Variants in USH2A observed in about 807,000 individuals in gnomAD.
USH2A encodes usherin.
In USH2A, 443 loss-of-function variants were observed where a neutral mutation model predicts 538.9. That is an observed-to-expected ratio of 0.82 (90% confidence interval 0.76 to 0.89). USH2A has a LOEUF of 0.89. USH2A is among the 40% of genes least tolerant of loss of function. USH2A has a pLI of 0.00. For missense variants in USH2A, 6,633 were observed against 6,324.8 expected (o/e 1.05, Z -1.65); for synonymous variants, 2,413 against 2,273.5 (o/e 1.06, Z -1.75).
At chr1:216,228,672 G>C (rs150274752) in intron 14 of USH2A, among the ~76,000 whole-genome samples, 1 of 152,086 alleles carries the variant, frequency 6.6e-6, no homozygotes, top group South Asian at 2.1e-4. Context: ...TGTAAGTCCC[G>C]TAAACTTCTT....
At chr1:216,403,408 C>T (rs1185371043) in intron 3 of USH2A, among the ~76,000 whole-genome samples, 2 of 152,034 alleles carry the variant, frequency 1.3e-5, no homozygotes, top group Non-Finnish European at 2.9e-5. Context: ...TCTTATTCAA[C>T]ATACTACTAA....
chr1:216,234,362 A>T (rs1030598411), intron 13 of USH2A, among the ~76,000 whole-genome samples: 5 of 152,120 alleles, frequency 3.3e-5, no homozygotes, highest in African/African-American at 9.7e-5. Flanking sequence ...TAATACTATC[A>T]TTTTTATCAT....
intron 61 of USH2A, among the ~76,000 whole-genome samples, chr1:215,696,071 C>CGG (rs1658799363): frequency 6.6e-6 from 1 of 152,114 alleles, no homozygotes; most frequent in South Asian, 2.1e-4. Flanking sequence ...TTGACTCCCC[C>CGG]GGAACTTAAC....
At chr1:216,103,458 T>C (rs748855115) in intron 21 of USH2A, among the ~76,000 whole-genome samples, 26 of 152,318 alleles carry the variant, frequency 1.7e-4, no homozygotes, top group Non-Finnish European at 3.1e-4. Flanking sequence ...TTCAAAATGA[T>C]TGGAAATTGT....
intron 40 of USH2A, among the ~76,000 whole-genome samples, chr1:215,893,813 T>C (rs1234451144): frequency 2.6e-5 from 4 of 152,168 alleles, no homozygotes; most frequent in Non-Finnish European, 5.9e-5. Context: ...TTTTGATTAA[T>C]CAATCCATCC....
chr1:215,905,672 CTATCAG>C (rs1558154307), intron 38 of USH2A, among the ~76,000 whole-genome samples: 1 of 152,032 alleles, frequency 6.6e-6, no homozygotes, highest in Non-Finnish European at 1.5e-5. Flanking sequence ...CCTGGGGGTA[CTATCAG>C]TTGTTCATCC....
intron 67 of USH2A, among the ~76,000 whole-genome samples, chr1:215,642,848 T>C (rs1476795149): frequency 1.3e-5 from 2 of 152,146 alleles, no homozygotes; most frequent in Non-Finnish European, 2.9e-5. Context: ...GCAGGCCAGC[T>C]GTTAAACATT....
chr1:215,932,706 T>C (rs189792697), intron 38 of USH2A, among the ~76,000 whole-genome samples: 14 of 152,168 alleles, frequency 9.2e-5, no homozygotes, highest in Non-Finnish European at 1.6e-4. Flanking sequence ...GATTTCTGAA[T>C]ACATAAAGTG....
intron 38 of USH2A, among the ~76,000 whole-genome samples, chr1:215,928,782 T>C (rs563792168): frequency 1.2e-4 from 18 of 152,228 alleles, no homozygotes; most frequent in Admixed American, 2.6e-4. Context: ...ATGGTTGTTT[T>C]AAGTTGCTGA....
At chr1:215,743,822 A>G (rs74455808) in intron 58 of USH2A, among the ~76,000 whole-genome samples, 1 of 144,514 alleles carries the variant, frequency 6.9e-6, no homozygotes, top group Non-Finnish European at 1.5e-5. Context: ...TCCGCCTCCA[A>G]AAAAAAAAAA....
At chr1:215,685,855 T>C (rs1658408922) in intron 61 of USH2A, among the ~76,000 whole-genome samples, 1 of 152,076 alleles carries the variant, frequency 6.6e-6, no homozygotes, top group East Asian at 1.9e-4. Flanking sequence ...TAAATGTATC[T>C]CAGCTGGTGA....
chr1:215,826,247 G>A (rs1663150667), intron 47 of USH2A, among the ~76,000 whole-genome samples: 1 of 152,160 alleles, frequency 6.6e-6, no homozygotes, highest in African/African-American at 2.4e-5. Flanking sequence ...CCAGCAGGAA[G>A]AGTCTTTGGA....
At chr1:216,138,922 G>C (rs1053946338) in intron 21 of USH2A, among the ~76,000 whole-genome samples, 1 of 148,878 alleles carries the variant, frequency 6.7e-6, no homozygotes, top group African/African-American at 2.5e-5. Context: ...ATATTAATGT[G>C]TGTGTGTGTG....
At position 215,648,728 on chromosome 1, in the gene USH2A, G is replaced by A; in HGVS notation, c.14382C>T (p.Gly4794=). ...EGMATQQTLH[G]LQAFTNYSIG... ...TAGAGTAGTTAGTGAAGGCTTGAAG[G>A]CCATGGAGAGTCTGCTGGGTGGCCA... The change falls in exon 66 of 72, where the codon GGC becomes GGT. Residue 4794 remains glycine, a synonymous_variant. Transcript: ENST00000307340. 2 of 1,614,190 alleles carry A rather than the reference G, an allele frequency of 1.2e-6. No individual in the cohort carries two copies. The highest frequency in any genetic ancestry group is 1.1e-5 in the South Asian group (1 of 91,086).
intron 21 of USH2A, among the ~76,000 whole-genome samples, chr1:216,101,368 C>G (rs931231148): frequency 6.6e-6 from 1 of 152,204 alleles, no homozygotes; most frequent in Non-Finnish European, 1.5e-5. Context: ...ATTATTAACA[C>G]TCTCTTTTCC....
At chr1:216,087,730 A>G (rs1480863125) in intron 23 of USH2A, among the ~76,000 whole-genome samples, 7 of 152,100 alleles carry the variant, frequency 4.6e-5, no homozygotes, top group Non-Finnish European at 1.0e-4. Flanking sequence ...TTTGACATTC[A>G]CAGTATAACC....
intron 21 of USH2A, among the ~76,000 whole-genome samples, chr1:216,127,298 A>C (rs149566414): frequency 1.4e-4 from 21 of 152,324 alleles, no homozygotes; most frequent in African/African-American, 4.8e-4. Flanking sequence ...TTGATGACTG[A>C]GATACAGAGG....
At chr1:215,913,813 T>C (rs981637335) in intron 38 of USH2A, among the ~76,000 whole-genome samples, 2 of 151,980 alleles carry the variant, frequency 1.3e-5, no homozygotes, top group Non-Finnish European at 2.9e-5. Flanking sequence ...GCTACTTGAT[T>C]CCATTACACT....
At chr1:216,266,983 A>C (rs945237295) in intron 11 of USH2A, among the ~76,000 whole-genome samples, 9 of 151,836 alleles carry the variant, frequency 5.9e-5, no homozygotes, top group Admixed American at 3.3e-4. Context: ...TGGAAATATG[A>C]TTGTGAAATT....
Sources: allele counts gnomAD v4.1 joint callset (sites outside exome capture counted in the v4.1 genomes callset), GRCh38; gene constraint gnomAD v4.1.1; transcripts MANE v1.5; gene names NCBI Gene and HGNC (gene_info 2026-07-23, HGNC 2026-07-21).